IGF2R: variants seen among roughly 807,000 people sequenced by gnomAD.
The protein encoded by IGF2R is cation-independent mannose-6-phosphate receptor.
A neutral mutation model predicts 270.6 loss-of-function variants in IGF2R; 91 were observed. The observed-to-expected ratio is 0.34, with a 90% CI of 0.28 to 0.40. The LOEUF (loss-of-function observed/expected upper bound fraction) is 0.40, where lower values mean the gene tolerates loss of function less well. IGF2R is among the 10% of genes least tolerant of loss of function. The probability of loss-of-function intolerance (pLI) is 1.00; values close to 1 mark genes in which losing one functional copy is unlikely to be tolerated. For missense variants in IGF2R, 2,805 were observed against 3,188.3 expected, an observed-to-expected ratio of 0.88 and a Z score of 2.90; for synonymous variants, 1,316 against 1,258.9, an observed-to-expected ratio of 1.05 and a Z score of -0.96.
chr6:160,049,858 T>G (rs745434532), intron 18 of IGF2R, among the ~76,000 whole-genome samples: 5 of 152,174 alleles, frequency 3.3e-5, no homozygotes, highest in Non-Finnish European at 7.3e-5. Flanking sequence ...GCTGAGACAT[T>G]GGGGATTACA....
In IGF2R at chr6:160,045,757, G is replaced by C. The variant is rs1439698917; in HGVS notation, c.1778G>C (p.Ser593Thr). ...TCCCCATTGACAGGTGATCTGGAAA[G>C]TGCACCAGTGTTGAGAACTTCTGGG... is the stretch of plus-strand genomic sequence containing the variant. Reference protein sequence around the residue: ...TLVCKPGDLESAPVLRTSGEG... With the variant: ...TLVCKPGDLETAPVLRTSGEG... Residue 593 changes from serine to threonine, a missense_variant, in exon 14 of 48, where the codon AGT becomes ACT. Ser to Thr is a moderately conservative substitution (Grantham distance 58). Coordinates refer to ENST00000356956, the MANE Select transcript of IGF2R (RefSeq NM_000876.4). The C allele has an allele frequency of 5.0e-6, 8 of 1,614,194 alleles. No homozygotes were observed. Among genetic ancestry groups the C allele is most frequent in the Non-Finnish European group, 6.8e-6 (8 of 1,180,026 alleles).
intron 9 of IGF2R, among the ~76,000 whole-genome samples, chr6:160,033,874 A>G (rs1163068630): frequency 6.6e-6 from 1 of 152,228 alleles, no homozygotes; most frequent in African/African-American, 2.4e-5. Context: ...TAAAAGCAGG[A>G]TGAAAATGCA....
At chr6:160,093,316 A>G (rs1484154166) in intron 44 of IGF2R, 1 of 241,284 alleles carries the variant, frequency 4.1e-6, no homozygotes, top group Non-Finnish European at 8.2e-6. Context: ...GTATCCTGTC[A>G]TTAGCCAAGG....
At chr6:159,981,234 G>A (rs1276764275) in intron 1 of IGF2R, among the ~76,000 whole-genome samples, 1 of 152,230 alleles carries the variant, frequency 6.6e-6, no homozygotes, top group Non-Finnish European at 1.5e-5. Context: ...GGTCCCAGGA[G>A]GCAGTTGAGT....
intron 43 of IGF2R, 88 bp from the exon 44 acceptor site, chr6:160,089,828 C>A: frequency 1.1e-6 from 1 of 897,474 alleles, no homozygotes; most frequent in Non-Finnish European, 1.6e-6. Context: ...TCCTGGGGCC[C>A]TGCAGTGATT....
intron 1 of IGF2R, among the ~76,000 whole-genome samples, chr6:159,988,155 C>A (rs923465356): frequency 4.6e-5 from 7 of 152,054 alleles, no homozygotes; most frequent in African/African-American, 1.7e-4. Context: ...GATTCTGCTC[C>A]CCAAGCAAAC....
rs139789549 is a variant in IGF2R at position 160,060,856 on chromosome 6, T to A, written c.3262+139T>A. 220 of 715,714 alleles carry A rather than the reference T, an allele frequency of 3.1e-4. No individual in the cohort carries two copies. In the African/African-American group the frequency reaches 3.7e-3, roughly 12 times the overall value. The allele number at this position is 715,714 out of a possible 1,614,324, so 44.3% of individuals were successfully genotyped here. ...GCTTGGTTATGCAGGCAGCGTGACA[T>A]TTCTGTTATATATTCTCTTTGAATG... On this transcript the variant is annotated intron_variant, in intron 23 of 47. Coordinates refer to ENST00000356956, the MANE Select transcript of IGF2R (RefSeq NM_000876.4).
rs4709388 is a variant in IGF2R at position 160,006,850 on chromosome 6, T to C, written c.290-2160T>C. 29,216 of 151,636 alleles carry C rather than the reference T, an allele frequency of 0.19. 3,472 individuals carry two copies. Among genetic ancestry groups the C allele is most frequent in the East Asian group, 0.57 (2,908 of 5,128 alleles). 9.4% of individuals were successfully genotyped at this position (151,636 alleles called of 1,614,324 possible). On this transcript the variant is annotated intron_variant, in intron 2 of 47. Coordinates refer to ENST00000356956, the MANE Select transcript of IGF2R (RefSeq NM_000876.4). ...TCTAGGATCTTGGCAGTAACCACTA[T>C]CTGTTTTACTCTTTCCTCTTTCACT...
chr6:160,070,043 C>T lies in IGF2R; in HGVS notation c.4428C>T (p.Cys1476=). ...RKKSTTIRFT[C]SESQVNSRPM... ...AGTCAACCACCATCCGATTCACCTG[C>T]AGCGAGAGCCAAGTGGTAAGGGACT... The change falls in exon 31 of 48, where the codon TGC becomes TGT. Residue 1476 remains cysteine (C), a synonymous_variant. Coordinates refer to ENST00000356956, the MANE Select transcript of IGF2R (RefSeq NM_000876.4). 1 of 1,614,200 alleles carries T rather than the reference C, an allele frequency of 6.2e-7. No homozygotes were observed. Among genetic ancestry groups the T allele is most frequent in the Non-Finnish European group, 8.5e-7 (1 of 1,180,006 alleles).
At position 160,084,285 on chromosome 6, in the gene IGF2R, A is replaced by G. The variant is rs8191917; in HGVS notation, c.6068+101A>G. On this transcript the variant is annotated intron_variant, in intron 40 of 47. Transcript: ENST00000356956. This position sits in a 1 kb window ranked among gnomAD's most constrained non-coding sequence, Gnocchi z 4.6. ...TCTTTTGGGTTCTCAAGATGGGAAT[A>G]CTATGCCCATGTGAGGCTGATGGTG... 3,184 of 707,342 alleles carry G rather than the reference A, an allele frequency of 4.5e-3. 7 individuals carry two copies. Among genetic ancestry groups the G allele is most frequent in the Non-Finnish European group, 6.7e-3 (2,692 of 401,666 alleles). The allele number at this position is 707,342 out of a possible 1,614,324, so 43.8% of individuals were successfully genotyped here.
intron 15 of IGF2R, 72 bp downstream of exon 15, chr6:160,046,717 G>T: frequency 1.4e-6 from 2 of 1,478,006 alleles, no homozygotes; most frequent in Admixed American, 2.1e-5. Flanking sequence ...AGGAATAGGT[G>T]TGTTCTCACT....
chr6:160,065,588 G>A (rs1413871753), intron 29 of IGF2R, among the ~76,000 whole-genome samples: 1 of 151,762 alleles, frequency 6.6e-6, no homozygotes, highest in African/African-American at 2.4e-5. Context: ...TTAACATTTT[G>A]TAAATATTTT....
Position 160,027,263 on chromosome 6 carries a change from C to T in IGF2R, c.725C>T (p.Ala242Val), listed in dbSNP as rs200856656. The T allele has an allele frequency of 2.7e-4, 443 of 1,614,142 alleles. 1 individual carries two copies. The highest frequency in any genetic ancestry group is 3.5e-4 in the Non-Finnish European group (416 of 1,180,012). ...GCCTGCCTGGTAAGAGGACACCAGGCGTTTGATGTTGGCCAGCCCCGGGAC... is the reference window on the plus strand; with the variant it reads ...GCCTGCCTGGTAAGAGGACACCAGGTGTTTGATGTTGGCCAGCCCCGGGAC... ...TAACLVRGHQ[A>V]FDVGQPRDGL... The change falls in exon 6 of 48, where the codon GCG (alanine) becomes GTG (valine). Residue 242 changes from alanine (A) to valine (V), a missense_variant. Coordinates refer to ENST00000356956, the MANE Select transcript of IGF2R (RefSeq NM_000876.4).
intron 2 of IGF2R, among the ~76,000 whole-genome samples, chr6:159,994,367 C>G (rs1052021626): frequency 6.6e-5 from 10 of 151,732 alleles, no homozygotes; most frequent in Non-Finnish European, 1.2e-4. Context: ...GAGTAGTAGT[C>G]CATTGATTAT....
At chr6:160,100,189 T>A (rs1473575795) in intron 45 of IGF2R, among the ~76,000 whole-genome samples, 2 of 152,166 alleles carry the variant, frequency 1.3e-5, no homozygotes, top group African/African-American at 4.8e-5. Context: ...TGACTAAACT[T>A]GTCAGCTAAA....
intron 2 of IGF2R, among the ~76,000 whole-genome samples, chr6:159,992,712 T>C (rs1200109561): frequency 6.6e-6 from 1 of 152,156 alleles, no homozygotes; most frequent in Non-Finnish European, 1.5e-5. Context: ...TTATGGATAG[T>C]GCTGTGATAA....
At chr6:160,091,871 C>G (rs1779234752) in intron 44 of IGF2R, among the ~76,000 whole-genome samples, 1 of 152,226 alleles carries the variant, frequency 6.6e-6, no homozygotes, top group Non-Finnish European at 1.5e-5. Context: ...GTCTGAGAGG[C>G]TCCCATGTAC....
At chr6:159,977,715 G>C (rs1198402052) in intron 1 of IGF2R, among the ~76,000 whole-genome samples, 1 of 152,188 alleles carries the variant, frequency 6.6e-6, no homozygotes, top group Non-Finnish European at 1.5e-5. Flanking sequence ...TCCTGGGCTT[G>C]AATCCAGACT....
intron 46 of IGF2R, 100 bp from the exon 47 acceptor site, chr6:160,103,646 G>A: frequency 1.3e-6 from 1 of 787,162 alleles, no homozygotes; most frequent in Non-Finnish European, 2.3e-6. Context: ...GCCACCACCA[G>A]CCCCCTGGTG....
Sources: allele counts gnomAD v4.1 joint callset (sites outside exome capture counted in the v4.1 genomes callset), GRCh38; gene constraint gnomAD v4.1.1; non-coding constraint Gnocchi (gnomAD v3.1); transcripts MANE v1.5; gene names NCBI Gene and HGNC (gene_info 2026-07-23, HGNC 2026-07-21).